The following RAPGEFL1 variants were observed in gnomAD, a reference collection of about 807,000 sequenced individuals.
RAPGEFL1 encodes Rap guanine nucleotide exchange factor like 1, also known as rap guanine nucleotide exchange factor-like 1.
Under a neutral mutation model 64.4 loss-of-function variants are expected in RAPGEFL1, and 31 were observed. The ratio of observed to expected loss-of-function variants is 0.48; its 90% CI spans 0.36 to 0.65. RAPGEFL1 has a LOEUF of 0.65. Among genes scored for constraint, RAPGEFL1 ranks in the 30% least tolerant of loss-of-function variants. RAPGEFL1 has a pLI of 0.00. For synonymous variants in RAPGEFL1, 331 were observed against 274.1 expected, an observed-to-expected ratio of 1.21 and a Z score of -2.05; for missense variants, 682 against 677.4, an observed-to-expected ratio of 1.01 and a Z score of -0.08.
Position 40,184,290 on chromosome 17 carries a change from T to G in RAPGEFL1, c.676T>G (p.Phe226Val). 1 of 1,613,844 alleles carries G rather than the reference T, an allele frequency of 6.2e-7. No homozygotes were observed. The highest frequency in any genetic ancestry group is 8.5e-7 in the Non-Finnish European group (1 of 1,179,904). Residue 226 changes from phenylalanine (F) to valine (V), a missense_variant, in exon 3 of 15, where the codon TTC becomes GTC. Transcript: ENST00000620260. ...AGCCTGTCTAGCCATGCTTCTCCATTTCTTGGACACCTACCAGGGGCTGCT... is the reference window on the plus strand; with the variant it reads ...AGCCTGTCTAGCCATGCTTCTCCATGTCTTGGACACCTACCAGGGGCTGCT... The part of the protein sequence containing the change: ...KQACLAMLLH[F>V]LDTYQGLLQE...
At chr17:40,189,021 CAG>C (rs137956498) in intron 5 of RAPGEFL1, 43 bp downstream of exon 5, 198,891 of 1,574,004 alleles carry the variant, frequency 0.13, 13,832 homozygotes, top group East Asian at 0.32. Flanking sequence ...CTGAGTGGCT[CAG>C]GGGGACATAT....
At chr17:40,183,812 C>T (rs1484193036) in intron 2 of RAPGEFL1, among the ~76,000 whole-genome samples, 1 of 137,692 alleles carries the variant, frequency 7.3e-6, no homozygotes, top group Non-Finnish European at 1.5e-5. Flanking sequence ...TGAGCCACCG[C>T]GCCTGGCCTT....
chr17:40,191,710 G>A lies in RAPGEFL1; in HGVS notation c.1605+38G>A. 10 of 1,576,776 alleles carry A rather than the reference G, an allele frequency of 6.3e-6. No individual in the cohort carries two copies. The highest frequency in any genetic ancestry group is 8.6e-6 in the Non-Finnish European group (10 of 1,157,972). ...CTCCCGTTCCTACCTGGGAATCTGG[G>A]CATCCCGGGCTCCCCGAAGTGCGTC... On this transcript the variant is annotated intron_variant, in intron 10 of 14. Transcript: ENST00000620260. The surrounding 1 kb of genome is among the most constrained non-coding windows in gnomAD (Gnocchi z 5.1).
At chr17:40,193,584 G>A (rs769832598) in intron 14 of RAPGEFL1, 80 bp from the exon 15 acceptor site, 2 of 1,608,562 alleles carry the variant, frequency 1.2e-6, no homozygotes, top group South Asian at 1.1e-5. Context: ...TCAGTCCACA[G>A]CCTGATCTTC....
At position 40,191,233 on chromosome 17, in the gene RAPGEFL1, C is replaced by T; in HGVS notation, c.1336-83C>T. 1 of 1,324,836 alleles carries T rather than the reference C, an allele frequency of 7.5e-7. No individual in the cohort carries two copies. Among genetic ancestry groups the T allele is most frequent in the South Asian group, 1.5e-5 (1 of 67,300 alleles). 82.1% of individuals were successfully genotyped at this position (1,324,836 alleles called of 1,614,324 possible). A position where few individuals can be genotyped will look rare whatever the true frequency, so the allele number is the denominator to read the frequency against. On this transcript the variant is annotated intron_variant, in intron 8 of 14. Coordinates refer to ENST00000620260, the MANE Select transcript of RAPGEFL1 (RefSeq NM_016339.6). This position sits in a 1 kb window ranked among gnomAD's most constrained non-coding sequence, Gnocchi z 5.1. ...GCCCCCGCCCTCCTGCCTTTCGCTC[C>T]TCATCGCCTTGCACTGCCATCTTCC...
chr17:40,177,859 G>C lies in RAPGEFL1; in HGVS notation c.-3G>C, dbSNP rs937443640. Reference sequence around the variant, plus strand: ...GACCCCTAGGAGAGGGGCGGGGGGGGGCATGAAGCCGCTGGAGAAATTTCT... The same window carrying C: ...GACCCCTAGGAGAGGGGCGGGGGGGCGCATGAAGCCGCTGGAGAAATTTCT... On this transcript the variant is annotated 5_prime_UTR_variant, in exon 1 of 15. Transcript: ENST00000620260. 3 of 428,782 alleles carry C rather than the reference G, an allele frequency of 7.0e-6. No homozygotes were observed. Among genetic ancestry groups the C allele is most frequent in the African/African-American group, 6.2e-5 (3 of 48,718 alleles). The allele number at this position is 428,782 out of a possible 1,614,324, so 26.6% of individuals were successfully genotyped here.
chr17:40,177,701 T>C lies in RAPGEFL1; in HGVS notation c.-161T>C. 2.4e-6 allele frequency: 1 copy of C among 410,388 alleles called. No individual in the cohort carries two copies. The highest frequency in any genetic ancestry group is 4.2e-6 in the Non-Finnish European group (1 of 236,004). 25.4% of individuals were successfully genotyped at this position (410,388 alleles called of 1,614,324 possible). The stretch of plus-strand genomic sequence containing the variant: ...CCCCCGGCTACTGGCCACTGGACTC[T>C]GGCCAGCGAGGCTCGGCCCCTCTGG... On this transcript the variant is annotated 5_prime_UTR_variant, in exon 1 of 15. Coordinates refer to ENST00000620260, the MANE Select transcript of RAPGEFL1 (RefSeq NM_016339.6).
At chr17:40,190,940 G>A in intron 8 of RAPGEFL1, 178 bp downstream of exon 8, 1 of 917,670 alleles carries the variant, frequency 1.1e-6, no homozygotes, top group Non-Finnish European at 1.6e-6. Flanking sequence ...AGAGACCCCA[G>A]AGCACAGTGG....
intron 4 of RAPGEFL1, among the ~76,000 whole-genome samples, chr17:40,188,293 C>G (rs1165936369): frequency 6.6e-6 from 1 of 152,084 alleles, no homozygotes; most frequent in African/African-American, 2.4e-5. Flanking sequence ...CCAGATCTTC[C>G]TTTTAGGAAT....
Position 40,194,282 on chromosome 17 carries a change from TGTGTGTGTC to T in RAPGEFL1, c.*495_*503del. ...GTGTGTGTGTGTGTGTGTGTGTGTG[TGTGTGTGTC>T]TTCTTTTAGGGAGCAGGAGTGCATC... On this transcript the variant is annotated 3_prime_UTR_variant, in exon 15 of 15. Transcript: ENST00000620260. 1 of 161,506 alleles carries T rather than the reference TGTGTGTGTC, an allele frequency of 6.2e-6. No homozygotes were observed. The highest frequency in any genetic ancestry group is 1.3e-5 in the Non-Finnish European group (1 of 78,016). The allele number at this position is 161,506 out of a possible 1,614,324, so 10.0% of individuals were successfully genotyped here. A position where few individuals can be genotyped will look rare whatever the true frequency, so the allele number is the denominator to read the frequency against.
At chr17:40,185,378 G>A (rs1990029795) in intron 4 of RAPGEFL1, among the ~76,000 whole-genome samples, 1 of 151,970 alleles carries the variant, frequency 6.6e-6, no homozygotes, top group South Asian at 2.1e-4. Flanking sequence ...TACAGTAGAT[G>A]TAGTAAAAGG....
At chr17:40,183,886 C>T (rs1989977037) in intron 2 of RAPGEFL1, among the ~76,000 whole-genome samples, 1 of 134,050 alleles carries the variant, frequency 7.5e-6, no homozygotes, top group South Asian at 2.4e-4. Context: ...CTCTGTCGCC[C>T]AGGCTGGAGT....
In RAPGEFL1 at chr17:40,185,519, CAAAAAAAAAAA is replaced by C. The variant is rs1012933421; in HGVS notation, c.833+852_833+862del. ...ACATTGTGAAACCCTGTCTCCACTA[CAAAAAAAAAAA>C]AAAAAAAAAAGGCTGTGTGCCAAGG... On this transcript the variant is annotated intron_variant, in intron 4 of 14. Coordinates refer to ENST00000620260, the MANE Select transcript of RAPGEFL1 (RefSeq NM_016339.6). 3.0e-3 allele frequency among the ~76,000 whole-genome samples: 110 copies of C among 36,270 alleles called. 1 individual carries two copies. Among genetic ancestry groups the C allele is most frequent in the Non-Finnish European group, 5.2e-3 (94 of 17,916 alleles). 23.8% of individuals were successfully genotyped at this position (36,270 alleles called of 152,430 possible). A position where few individuals can be genotyped will look rare whatever the true frequency, so the allele number is the denominator to read the frequency against.
At position 40,191,739 on chromosome 17, in the gene RAPGEFL1, C is replaced by G; in HGVS notation, c.1605+67C>G. ...CCCGGGCTCCCCGAAGTGCGTCCTC[C>G]CGGGACGGCCGCCGGCCTGGAGGGA... On this transcript the variant is annotated intron_variant, in intron 10 of 14. Transcript: ENST00000620260. The surrounding 1 kb of genome is among the most constrained non-coding windows in gnomAD (Gnocchi z 5.1). 7 of 1,477,072 alleles carry G rather than the reference C, an allele frequency of 4.7e-6. No individual in the cohort carries two copies. Among genetic ancestry groups the G allele is most frequent in the Middle Eastern group, 1.8e-4 (1 of 5,590 alleles). The allele number at this position is 1,477,072 out of a possible 1,614,324, so 91.5% of individuals were successfully genotyped here.
intron 2 of RAPGEFL1, 97 bp downstream of exon 2, chr17:40,181,791 C>T: frequency 1.5e-6 from 1 of 670,998 alleles, no homozygotes. Context: ...CCCTAGGAAA[C>T]ATACCTGGGG....
In RAPGEFL1 at chr17:40,177,524, CCT is replaced by C; in HGVS notation, c.-334_-333del. The C allele has an allele frequency of 3.4e-6, 2 of 589,302 alleles. No homozygotes were observed. The highest frequency in any genetic ancestry group is 3.0e-5 in the East Asian group (1 of 33,512). The allele number at this position is 589,302 out of a possible 1,614,324, so 36.5% of individuals were successfully genotyped here. ...GCCGCCGCCGCCGCCGCCGCCGCGT[CCT>C]CTCAGCCTTGCGCTCCGCCCGCTGC... On this transcript the variant is annotated 5_prime_UTR_variant, in exon 1 of 15. Coordinates refer to ENST00000620260, the MANE Select transcript of RAPGEFL1 (RefSeq NM_016339.6).
chr17:40,177,418 G>A (rs1325944533), upstream of RAPGEFL1: 1 of 686,386 alleles, frequency 1.5e-6, no homozygotes, highest in Non-Finnish European at 2.7e-6. Flanking sequence ...GGAAGGGTAG[G>A]GGCGGGGACT....
intron 2 of RAPGEFL1, among the ~76,000 whole-genome samples, chr17:40,183,867 A>G (rs1231010113): frequency 2.6e-5 from 2 of 77,072 alleles, no homozygotes; most frequent in African/African-American, 1.1e-4. Flanking sequence ...TTTTTGAGAC[A>G]GAGTCATTCT....
In RAPGEFL1 at chr17:40,191,501, G is replaced by GCGGC. The variant is rs1567696780; in HGVS notation, c.1514+10_1514+13dup. ...TCATCAAGATCGCGGCCCTGTGAGT[G>GCGGC]CGGCCGTCGGCGGGATGGGGGGCCG... is the stretch of plus-strand genomic sequence containing the variant. On this transcript the variant is annotated splice_region_variant and intron_variant, in intron 9 of 14. Transcript: ENST00000620260. This position sits in a 1 kb window ranked among gnomAD's most constrained non-coding sequence, Gnocchi z 5.1. 1 of 1,593,550 alleles carries GCGGC rather than the reference G, an allele frequency of 6.3e-7. No homozygotes were observed. The highest frequency in any genetic ancestry group is 8.5e-7 in the Non-Finnish European group (1 of 1,172,782).
Sources: gnomAD v4.1 joint callset for allele counts (sites outside exome capture counted in the v4.1 genomes callset) on GRCh38, gnomAD v4.1.1 for gene constraint, Gnocchi (gnomAD v3.1) non-coding constraint, MANE v1.5 for transcripts, NCBI Gene and HGNC (gene_info 2026-07-23, HGNC 2026-07-21) for gene names.